The following METTL25 variants were observed in gnomAD, a reference collection of about 807,000 sequenced individuals.
METTL25 encodes the protein methyltransferase like 25.
A neutral mutation model predicts 71.6 loss-of-function variants in METTL25; 64 were observed. The observed-to-expected ratio is 0.89, with a 90% CI of 0.73 to 1.10. The LOEUF is 1.10. Among genes scored for constraint, METTL25 ranks in the 50% least tolerant of loss-of-function variants. METTL25 has a pLI of 0.00. For missense variants in METTL25, 807 were observed against 707.0 expected (o/e 1.14, Z -1.60); for synonymous variants, 287 against 250.3 (o/e 1.15, Z -1.38).
chr12:82,451,904 G>T (rs1182369805), intron 8 of METTL25, among the ~76,000 whole-genome samples: 1 of 151,848 alleles, frequency 6.6e-6, no homozygotes, highest in Admixed American at 6.6e-5. Flanking sequence ...TTTATCTTAG[G>T]AACACAGTGT....
At chr12:82,401,493 T>C (rs945302774) in intron 4 of METTL25, among the ~76,000 whole-genome samples, 3 of 152,050 alleles carry the variant, frequency 2.0e-5, no homozygotes, top group African/African-American at 7.2e-5. Context: ...CATCTTACAG[T>C]TGAGGAAATC....
intron 4 of METTL25, among the ~76,000 whole-genome samples, chr12:82,402,142 T>C (rs1886680678): frequency 1.3e-5 from 2 of 152,004 alleles, no homozygotes; most frequent in Admixed American, 1.3e-4. Flanking sequence ...GAATAAACAT[T>C]TCATAGGAGA....
At chr12:82,423,888 A>G (rs1888744973) in intron 5 of METTL25, among the ~76,000 whole-genome samples, 1 of 152,212 alleles carries the variant, frequency 6.6e-6, no homozygotes, top group Non-Finnish European at 1.5e-5. Flanking sequence ...AGGAAACAAC[A>G]GGTTCTCGAG....
intron 2 of METTL25, 71 bp downstream of exon 2, chr12:82,387,038 T>A: frequency 8.2e-7 from 1 of 1,213,106 alleles, no homozygotes; most frequent in South Asian, 1.6e-5. Flanking sequence ...CATATATGTG[T>A]ATCTTTCCAA....
intron 2 of METTL25, among the ~76,000 whole-genome samples, 157 bp downstream of exon 2, chr12:82,387,124 C>A (rs967116197): frequency 3.9e-5 from 6 of 152,090 alleles, no homozygotes; most frequent in Admixed American, 1.3e-4. Context: ...TGTAGGTTTT[C>A]CCCTTGTACT....
intron 9 of METTL25, 124 bp from the exon 10 acceptor site, chr12:82,476,520 G>T: frequency 1.5e-6 from 1 of 660,528 alleles, no homozygotes; most frequent in Non-Finnish European, 2.7e-6. Context: ...TCCTTAGAGC[G>T]AGTTCTTCAG....
chr12:82,409,451 A>G (rs1229926297), intron 5 of METTL25, among the ~76,000 whole-genome samples: 1 of 152,110 alleles, frequency 6.6e-6, no homozygotes, highest in Non-Finnish European at 1.5e-5. Flanking sequence ...TTGGGTAAAT[A>G]CCAGTATAAC....
intron 9 of METTL25, chr12:82,474,584 G>A (rs1470990722): frequency 2.0e-5 from 3 of 152,230 alleles, no homozygotes; most frequent in African/African-American, 7.2e-5. Flanking sequence ...TTATGCGCTT[G>A]TAAGAACAAG....
chr12:82,382,008 T>G (rs1884488186), intron 1 of METTL25, among the ~76,000 whole-genome samples: 1 of 152,160 alleles, frequency 6.6e-6, no homozygotes, highest in Non-Finnish European at 1.5e-5. Context: ...TGGCTTAGCA[T>G]GTGGATTGAT....
At chr12:82,441,932 A>G (rs936528540) in intron 8 of METTL25, among the ~76,000 whole-genome samples, 1 of 151,872 alleles carries the variant, frequency 6.6e-6, no homozygotes, top group African/African-American at 2.4e-5. Context: ...ACTCCCTTAT[A>G]ACCCGTTTGT....
chr12:82,396,663 G>C (rs569263667), intron 3 of METTL25, among the ~76,000 whole-genome samples: 1 of 151,904 alleles, frequency 6.6e-6, no homozygotes, highest in Non-Finnish European at 1.5e-5. Flanking sequence ...ACCAACTCTA[G>C]CTTTGATAAA....
chr12:82,456,334 A>G (rs953617339), intron 8 of METTL25, among the ~76,000 whole-genome samples: 3 of 151,932 alleles, frequency 2.0e-5, no homozygotes, highest in African/African-American at 7.2e-5. Flanking sequence ...TTCTCTTTGC[A>G]TAGCTGTTGA....
At chr12:82,362,300 C>T (rs1882038683) in intron 1 of METTL25, among the ~76,000 whole-genome samples, 2 of 152,226 alleles carry the variant, frequency 1.3e-5, no homozygotes, top group Admixed American at 1.3e-4. Context: ...TCCAGACAGA[C>T]TTCCTGGGGT....
At chr12:82,472,598 GA>G (rs1892635868) in intron 9 of METTL25, among the ~76,000 whole-genome samples, 1 of 151,648 alleles carries the variant, frequency 6.6e-6, no homozygotes, top group Non-Finnish European at 1.5e-5. Context: ...ACTCCGTCTC[GA>G]AAAAAAATTA....
Position 82,438,705 on chromosome 12 carries a change from A to G in METTL25, c.1405-13A>G, listed in dbSNP as rs1224452358. 7.6e-6 allele frequency: 11 copies of G among 1,455,864 alleles called. No individual in the cohort carries two copies. Among genetic ancestry groups the G allele is most frequent in the African/African-American group, 5.8e-5 (4 of 68,586 alleles). The allele number at this position is 1,455,864 out of a possible 1,614,324, so 90.2% of individuals were successfully genotyped here. Reference sequence around the variant, plus strand: ...TTGTTTCTTGTGCTTATATATGTCTACATTTTTTTCAGCTGCCTACTGAAT... The same window carrying G: ...TTGTTTCTTGTGCTTATATATGTCTGCATTTTTTTCAGCTGCCTACTGAAT... On this transcript the variant is annotated splice_polypyrimidine_tract_variant and intron_variant, in intron 7 of 11. Coordinates refer to ENST00000248306, the MANE Select transcript of METTL25 (RefSeq NM_032230.3).
chr12:82,465,524 G>T (rs1203357234), intron 9 of METTL25, among the ~76,000 whole-genome samples: 1 of 151,788 alleles, frequency 6.6e-6, no homozygotes, highest in Non-Finnish European at 1.5e-5. Context: ...TAATTTTTGT[G>T]TGTAATGTTT....
chr12:82,467,625 A>G (rs1592773326), intron 9 of METTL25, among the ~76,000 whole-genome samples: 2 of 152,166 alleles, frequency 1.3e-5, no homozygotes, highest in South Asian at 2.1e-4. Flanking sequence ...TTCCTGTCCT[A>G]TAAGCTTTCT....
At chr12:82,424,956 G>T (rs897976337) in intron 5 of METTL25, among the ~76,000 whole-genome samples, 41 of 152,168 alleles carry the variant, frequency 2.7e-4, no homozygotes, top group Non-Finnish European at 4.7e-4. Context: ...ATTTTGGACT[G>T]CTGGCATCTA....
chr12:82,430,561 A>G (rs1035236897), intron 5 of METTL25, among the ~76,000 whole-genome samples: 4 of 151,824 alleles, frequency 2.6e-5, no homozygotes, highest in African/African-American at 7.2e-5. Flanking sequence ...TAAATTTTCA[A>G]TATCTCATTA....
Sources: allele counts gnomAD v4.1 joint callset (sites outside exome capture counted in the v4.1 genomes callset), GRCh38; gene constraint gnomAD v4.1.1; transcripts MANE v1.5; gene names NCBI Gene and HGNC (gene_info 2026-07-23, HGNC 2026-07-21).